SRSF11: variants seen among roughly 807,000 people sequenced by gnomAD.
The protein encoded by SRSF11 is serine/arginine-rich splicing factor 11.
Under a neutral mutation model 56.0 loss-of-function variants are expected in SRSF11, and 9 were observed. The ratio of observed to expected loss-of-function variants is 0.16; its 90% confidence interval spans 0.10 to 0.28. The LOEUF (loss-of-function observed/expected upper bound fraction) is 0.28. SRSF11 is among the 10% of genes least tolerant of loss of function. The probability of loss-of-function intolerance (pLI) is 1.00; values close to 1 mark genes in which losing one functional copy is unlikely to be tolerated. For synonymous variants in SRSF11, 222 were observed against 215.3 expected, an observed-to-expected ratio of 1.03 and a Z score of -0.27; for missense variants, 421 against 600.7, an observed-to-expected ratio of 0.70 and a Z score of 3.13.
chr1:70,239,962 G>C (rs1444665308), intron 7 of SRSF11, among the ~76,000 whole-genome samples: 2 of 152,022 alleles, frequency 1.3e-5, no homozygotes, highest in African/African-American at 4.8e-5. Flanking sequence ...TTTATCATTG[G>C]CAACAGATTC....
At chr1:70,244,900 G>A in intron 8 of SRSF11, 85 bp downstream of exon 8, 6 of 1,362,464 alleles carry the variant, frequency 4.4e-6, no homozygotes, top group Non-Finnish European at 6.1e-6. Context: ...GGTGGTTGGG[G>A]TGCGGGGCAG....
intron 2 of SRSF11, chr1:70,229,233 T>C: frequency 7.8e-7 from 1 of 1,289,584 alleles, no homozygotes; most frequent in East Asian, 5.6e-5. Context: ...TGCAAAACCC[T>C]TCCAGATGCC....
chr1:70,230,428 T>C, intron 2 of SRSF11: 1 of 1,173,710 alleles, frequency 8.5e-7, no homozygotes, highest in Non-Finnish European at 1.1e-6. Context: ...TCTTAATTGG[T>C]AAAACTAAGA....
intron 1 of SRSF11, among the ~76,000 whole-genome samples, chr1:70,206,347 C>T (rs1669018927): frequency 6.6e-6 from 1 of 151,660 alleles, no homozygotes; most frequent in African/African-American, 2.4e-5. Flanking sequence ...TTTTAAAGCT[C>T]ATTCCTTTTT....
intron 9 of SRSF11, among the ~76,000 whole-genome samples, chr1:70,247,886 G>A (rs1473621148): frequency 2.0e-5 from 3 of 152,056 alleles, no homozygotes; most frequent in Admixed American, 6.5e-5. Flanking sequence ...AAGGAGATAT[G>A]CAAATATCTA....
chr1:70,230,270 ATTG>A (rs1672593322), intron 2 of SRSF11: 3 of 1,000,270 alleles, frequency 3.0e-6, no homozygotes, highest in Admixed American at 5.7e-5. Context: ...TCAGAATTCT[ATTG>A]TTGGTGAATT....
At chr1:70,228,921 G>GC in intron 2 of SRSF11, 1 of 984,114 alleles carries the variant, frequency 1.0e-6, no homozygotes, top group South Asian at 4.7e-5. Context: ...TCAAATAAAT[G>GC]CATGATGTTA....
rs930058108 is a variant in SRSF11, at chr1:70,252,475, A to G, written c.*1670A>G. ...TGTAGCTTTTATCCAAGTTTTGAGT[A>G]TAAATAGGGTTTTGTTTTGTTTTTT... On this transcript the variant is annotated 3_prime_UTR_variant, in exon 12 of 12. Coordinates refer to ENST00000370949, the MANE Select transcript of SRSF11 (RefSeq NM_001350605.2). The G allele has an allele frequency of 1.3e-5, 2 of 152,122 alleles. No homozygotes were observed. Among genetic ancestry groups the G allele is most frequent in the Non-Finnish European group, 2.9e-5 (2 of 67,998 alleles). 9.4% of individuals were successfully genotyped at this position (152,122 alleles called of 1,614,324 possible).
In SRSF11 at chr1:70,225,571, G is replaced by T. The variant is rs563411491; in HGVS notation, c.204-2851G>T. ...AACCTGAAGTTCTCGTACGTTAGTA[G>T]GCATGAATACCTTGTTAAGAATCTG... On this transcript the variant is annotated intron_variant, in intron 1 of 11. Transcript: ENST00000370949. Among the ~76,000 whole-genome samples the T allele has an allele frequency of 3.9e-5, 6 of 152,264 alleles. No individual in the cohort carries two copies. The South Asian group carries it at 1.2e-3, about 32-fold the overall frequency.
At chr1:70,208,829 T>C (rs1011003449) in intron 1 of SRSF11, among the ~76,000 whole-genome samples, 1 of 152,212 alleles carries the variant, frequency 6.6e-6, no homozygotes, top group Non-Finnish European at 1.5e-5. Flanking sequence ...TTCCATTGTT[T>C]TAAGGAGAAT....
At chr1:70,237,963 A>G (rs1366237980) in intron 6 of SRSF11, among the ~76,000 whole-genome samples, 1 of 152,200 alleles carries the variant, frequency 6.6e-6, no homozygotes, top group Non-Finnish European at 1.5e-5. Context: ...GTTTAAAATG[A>G]TATTTCTTTA....
At chr1:70,229,160 T>C in intron 2 of SRSF11, 1 of 1,281,200 alleles carries the variant, frequency 7.8e-7, no homozygotes, top group Non-Finnish European at 1.0e-6. Flanking sequence ...CTAGAATATC[T>C]CTAAATAATA....
intron 9 of SRSF11, among the ~76,000 whole-genome samples, chr1:70,247,615 A>C (rs1305522132): frequency 6.6e-6 from 1 of 152,174 alleles, no homozygotes. Context: ...TTTAGAAAGA[A>C]ACAAAAGTGA....
intron 9 of SRSF11, chr1:70,248,934 T>G (rs951553532): frequency 6.6e-6 from 1 of 152,210 alleles, no homozygotes; most frequent in South Asian, 2.1e-4. Flanking sequence ...TGCTCAGTTA[T>G]GTGTAACGTT....
intron 1 of SRSF11, among the ~76,000 whole-genome samples, chr1:70,222,559 ATATT>A (rs1292044259): frequency 6.6e-6 from 1 of 152,228 alleles, no homozygotes. Context: ...TATCGCAAGA[ATATT>A]AAGTGGATGA....
chr1:70,234,003 C>T (rs1282859309), intron 3 of SRSF11, among the ~76,000 whole-genome samples: 1 of 152,200 alleles, frequency 6.6e-6, no homozygotes, highest in Admixed American at 6.5e-5. Context: ...ACTCCTCTTT[C>T]CCCATCTATG....
chr1:70,217,678 A>G (rs1269728101), upstream of SRSF11, among the ~76,000 whole-genome samples: 1 of 152,208 alleles, frequency 6.6e-6, no homozygotes, highest in East Asian at 1.9e-4. Context: ...TCCAGATTCT[A>G]TATTTTCTAT....
intron 7 of SRSF11, among the ~76,000 whole-genome samples, chr1:70,240,051 GTTTCTAGATT>G (rs968080355): frequency 1.3e-5 from 2 of 152,060 alleles, no homozygotes; most frequent in African/African-American, 2.4e-5. Context: ...ATTAATCATA[GTTTCTAGATT>G]CTCAAAGGTG....
At chr1:70,234,893 T>C (rs1416339394) in intron 4 of SRSF11, 105 bp downstream of exon 4, 1 of 905,094 alleles carries the variant, frequency 1.1e-6, no homozygotes, top group African/African-American at 1.7e-5. Context: ...TATGTTGTAG[T>C]AATTTTTTTT....
Sources: allele counts gnomAD v4.1 joint callset (sites outside exome capture counted in the v4.1 genomes callset), GRCh38; gene constraint gnomAD v4.1.1; transcripts MANE v1.5; gene names NCBI Gene and HGNC (gene_info 2026-07-23, HGNC 2026-07-21).